Variants in CUL2 observed in about 807,000 individuals in gnomAD.
The protein encoded by CUL2 is cullin-2.
CUL2 carries 22 observed loss-of-function variants against 110.2 expected under a neutral mutation model. The ratio of observed to expected loss-of-function variants is 0.20; its 90% CI spans 0.14 to 0.28. The LOEUF (loss-of-function observed/expected upper bound fraction) is 0.28. Among genes scored for constraint, CUL2 ranks in the 10% least tolerant of loss-of-function variants. The pLI, the probability that CUL2 is intolerant of heterozygous loss-of-function variation, is 1.00. For synonymous variants in CUL2, 279 were observed against 293.2 expected, an observed-to-expected ratio of 0.95 and a Z score of 0.49; for missense variants, 631 against 905.5, an observed-to-expected ratio of 0.70 and a Z score of 3.89.
chr10:35,068,575 A>G (rs994691715), intron 2 of CUL2, among the ~76,000 whole-genome samples: 1 of 152,218 alleles, frequency 6.6e-6, no homozygotes, highest in African/African-American at 2.4e-5. Flanking sequence ...TCAATGTTCT[A>G]TTGATAATGT....
intron 1 of CUL2, among the ~76,000 whole-genome samples, chr10:35,085,353 C>A (rs1261942785): frequency 6.7e-6 from 1 of 148,798 alleles, no homozygotes; most frequent in Non-Finnish European, 1.5e-5. Flanking sequence ...TGGCGTAGAC[C>A]CAGGAGGCAG....
chr10:35,016,937 A>C (rs867464294), intron 17 of CUL2, among the ~76,000 whole-genome samples: 13 of 151,486 alleles, frequency 8.6e-5, no homozygotes, highest in African/African-American at 1.9e-4. Flanking sequence ...AAAAAAAAAA[A>C]AAAAACAAAA....
intron 15 of CUL2, 115 bp from the exon 16 acceptor site, chr10:35,029,002 G>C: frequency 1.6e-6 from 1 of 618,874 alleles, no homozygotes; most frequent in Non-Finnish European, 2.8e-6. Context: ...TCAAAATGTT[G>C]ATGAAATCTG....
intron 16 of CUL2, among the ~76,000 whole-genome samples, chr10:35,028,345 T>G (rs191610523): frequency 1.5e-3 from 233 of 152,350 alleles, no homozygotes; most frequent in Middle Eastern, 3.4e-3. Flanking sequence ...ACGAAACTAA[T>G]AACCACTATC....
At chr10:35,118,029 C>A (rs890256606) in intron 1 of CUL2, among the ~76,000 whole-genome samples, 1 of 152,164 alleles carries the variant, frequency 6.6e-6, no homozygotes, top group Non-Finnish European at 1.5e-5. Flanking sequence ...AACTGATGAA[C>A]CTACATTGAC....
intron 20 of CUL2, among the ~76,000 whole-genome samples, chr10:35,011,421 C>T (rs2084899586): frequency 6.6e-6 from 1 of 151,844 alleles, no homozygotes; most frequent in African/African-American, 2.4e-5. Flanking sequence ...AGTTCGAGAC[C>T]AGCCTGGCCA....
rs146871552 is a variant in CUL2, at chr10:35,115,927, T to A, written c.-51+10678A>T. On this transcript the variant is annotated intron_variant, in intron 1 of 5. Transcript: ENST00000685421. ...AATAAAATAATAAATAAATGTTGAT[T>A]CTTTGAAGAGAGCAATAAAATTGAT... 5.9e-5 allele frequency among the ~76,000 whole-genome samples: 9 copies of A among 151,976 alleles called. No homozygotes were observed. The East Asian group carries it at 1.7e-3, about 29-fold the overall frequency.
chr10:35,111,756 G>A (rs766077667), intron 1 of CUL2, among the ~76,000 whole-genome samples: 3 of 152,176 alleles, frequency 2.0e-5, no homozygotes, highest in Non-Finnish European at 4.4e-5. Context: ...GGCGTGGTGT[G>A]GCATGTGCCT....
At chr10:35,056,669 G>A (rs2134888274) in intron 4 of CUL2, among the ~76,000 whole-genome samples, 1 of 152,242 alleles carries the variant, frequency 6.6e-6, no homozygotes, top group South Asian at 2.1e-4. Context: ...TCACTCTGTG[G>A]TACAATATAC....
intron 2 of CUL2, among the ~76,000 whole-genome samples, chr10:35,065,731 T>C (rs60845094): frequency 0.03 from 4,541 of 152,106 alleles, 223 homozygotes; most frequent in African/African-American, 0.1. Context: ...TGGTGGCACA[T>C]GCCTGTAATG....
intron 2 of CUL2, chr10:35,099,616 T>A (rs1181006790): frequency 6.6e-6 from 1 of 151,692 alleles, no homozygotes; most frequent in East Asian, 1.9e-4. Flanking sequence ...AATAAAAAAA[T>A]AAAATAAAAA....
chr10:35,029,009 T>C lies in CUL2; in HGVS notation c.1540-122A>G, dbSNP rs1444405578. The C allele has an allele frequency of 6.5e-6, 4 of 616,464 alleles. No homozygotes were observed. In the Admixed American group the frequency reaches 1.2e-4, roughly 19 times the overall value. The allele number at this position is 616,464 out of a possible 1,614,324, so 38.2% of individuals were successfully genotyped here. A position where few individuals can be genotyped will look rare whatever the true frequency, so the allele number is the denominator to read the frequency against. The stretch of plus-strand genomic sequence containing the variant: ...TTTCTTCCTCAAAATGTTGATGAAA[T>C]CTGAGTATTTCTATCATGGCACATT... On this transcript the variant is annotated intron_variant, in intron 15 of 20. Coordinates refer to ENST00000374749, the MANE Select transcript of CUL2 (RefSeq NM_003591.4).
chr10:35,107,941 T>C (rs1028779260), intron 1 of CUL2, among the ~76,000 whole-genome samples: 52 of 149,220 alleles, frequency 3.5e-4, no homozygotes, highest in African/African-American at 1.3e-3. Flanking sequence ...TCTTCCTAAG[T>C]TAATTGCTCC....
Position 35,027,463 on chromosome 10 carries a change from T to C in CUL2, c.1617+1347A>G, listed in dbSNP as rs368525133. Among the ~76,000 whole-genome samples, 10 of 152,318 alleles carry C rather than the reference T, an allele frequency of 6.6e-5. No homozygotes were observed. In the South Asian group the frequency reaches 1.9e-3, roughly 28 times the overall value. On this transcript the variant is annotated intron_variant, in intron 16 of 20. Transcript: ENST00000374749. The stretch of plus-strand genomic sequence containing the variant: ...CCGGCAACTTTAGATACTTCTAATA[T>C]TATTCAGGTTTTTGGCCTAGGTAAA...
intron 18 of CUL2, 145 bp downstream of exon 18, chr10:35,016,047 C>G: frequency 1.5e-6 from 1 of 663,844 alleles, no homozygotes. Context: ...ACGCTCGCAG[C>G]TCTATGGAGC....
Position 35,009,200 on chromosome 10 carries a change from ATT to A in CUL2, c.*1109_*1110del. On this transcript the variant is annotated 3_prime_UTR_variant, in exon 21 of 21. Transcript: ENST00000374749. The stretch of plus-strand genomic sequence containing the variant: ...GCTGTTGAGATATATATATATATAT[ATT>A]ATATATATATATATATATAAAATAA... 1 of 71,464 alleles carries A rather than the reference ATT, an allele frequency of 1.4e-5. No individual in the cohort carries two copies. The allele number at this position is 71,464 out of a possible 1,614,324, so 4.4% of individuals were successfully genotyped here.
intron 20 of CUL2, 46 bp downstream of exon 20, chr10:35,011,802 C>T: frequency 1.0e-6 from 1 of 961,664 alleles, no homozygotes; most frequent in South Asian, 1.4e-5. Context: ...TGTACAATGA[C>T]AATGCCCTCT....
chr10:35,113,498 CAAAAAAAAAAAAAAAA>C (rs59518617), intron 1 of CUL2, among the ~76,000 whole-genome samples: 13 of 33,314 alleles, frequency 3.9e-4, no homozygotes, highest in Admixed American at 6.9e-4. Context: ...GACTCTGCCT[CAAAAAAAAAAAAAAAA>C]AAAAAAAAAA....
At chr10:35,053,336 T>C (rs1398690230) in intron 5 of CUL2, among the ~76,000 whole-genome samples, 2 of 152,220 alleles carry the variant, frequency 1.3e-5, no homozygotes. Flanking sequence ...TGTATTTGTA[T>C]TCAACATATA....
Sources: allele counts gnomAD v4.1 joint callset (sites outside exome capture counted in the v4.1 genomes callset), GRCh38; gene constraint gnomAD v4.1.1; transcripts MANE v1.5; gene names NCBI Gene and HGNC (gene_info 2026-07-23, HGNC 2026-07-21).